SLX4IP: variants seen among roughly 807,000 people sequenced by gnomAD.
The protein encoded by SLX4IP is SLX4 interacting protein.
In SLX4IP, 34 loss-of-function variants were observed where a neutral mutation model predicts 32.9. The ratio of observed to expected loss-of-function variants is 1.03; its 90% CI spans 0.79 to 1.38. SLX4IP has a LOEUF of 1.38. SLX4IP is among the 40% of genes most tolerant of loss of function. The probability of loss-of-function intolerance (pLI) is 0.00; values close to 1 mark genes in which losing one functional copy is unlikely to be tolerated. For synonymous variants in SLX4IP, 172 were observed against 171.7 expected (o/e 1.00, Z -0.01); for missense variants, 444 against 479.0 (o/e 0.93, Z 0.68).
chr20:10,474,497 C>G lies in SLX4IP; in HGVS notation c.27+16266C>G, dbSNP rs188171904. The stretch of plus-strand genomic sequence containing the variant: ...TTTAAGAGCCATTCTTTCCTAGACC[C>G]CCTTCCCTTCTTTACTTTAGGTATT... On this transcript the variant is annotated intron_variant, in intron 2 of 7. Transcript: ENST00000334534. Among the ~76,000 whole-genome samples the G allele has an allele frequency of 2.6e-5, 4 of 152,232 alleles. No individual in the cohort carries two copies. In the East Asian group the frequency reaches 5.8e-4, roughly 22 times the overall value.
At chr20:10,458,354 T>C in intron 2 of SLX4IP, 123 bp downstream of exon 2, 1 of 729,910 alleles carries the variant, frequency 1.4e-6, no homozygotes, top group Non-Finnish European at 2.0e-6. Flanking sequence ...CTCTGCAAAA[T>C]TTTTTTTTTT....
At chr20:10,500,085 A>G (rs2065702774) in intron 2 of SLX4IP, among the ~76,000 whole-genome samples, 1 of 149,720 alleles carries the variant, frequency 6.7e-6, no homozygotes, top group Admixed American at 6.6e-5. Context: ...CTGGGTTTAG[A>G]TAGATGGGGA....
chr20:10,445,945 T>C (rs1253865173), intron 1 of SLX4IP, among the ~76,000 whole-genome samples: 1 of 151,052 alleles, frequency 6.6e-6, no homozygotes, highest in Non-Finnish European at 1.5e-5. Flanking sequence ...TTTTTTTTTT[T>C]TTTTTTTTTT....
chr20:10,497,542 C>T (rs556597673), intron 2 of SLX4IP, among the ~76,000 whole-genome samples: 22 of 152,052 alleles, frequency 1.4e-4, no homozygotes, highest in South Asian at 4.1e-4. Flanking sequence ...TTTCTTTTTT[C>T]GGAAACTTTA....
At chr20:10,566,097 G>A (rs2066389041) in intron 4 of SLX4IP, among the ~76,000 whole-genome samples, 1 of 152,116 alleles carries the variant, frequency 6.6e-6, no homozygotes, top group Non-Finnish European at 1.5e-5. Flanking sequence ...AGTAGTTGAT[G>A]TTTGTATCTT....
rs556158852 is a variant in SLX4IP at position 10,440,867 on chromosome 20, G to A, written c.-30+5414G>A. Among the ~76,000 whole-genome samples the A allele has an allele frequency of 2.6e-5, 4 of 152,282 alleles. No individual in the cohort carries two copies. The East Asian group carries it at 5.8e-4, about 22-fold the overall frequency. ...TTGCTTGTGCTCTTGTTGTTGGAAT[G>A]ATTCCGTTTAAGACACTGAGCATCC... On this transcript the variant is annotated intron_variant, in intron 1 of 7. Transcript: ENST00000334534.
intron 2 of SLX4IP, among the ~76,000 whole-genome samples, chr20:10,551,305 G>A (rs1484261015): frequency 6.6e-6 from 1 of 152,120 alleles, no homozygotes; most frequent in African/African-American, 2.4e-5. Context: ...GCTTGTTGTT[G>A]CTGATGGCAG....
At chr20:10,510,948 A>C (rs2065802534) in intron 2 of SLX4IP, among the ~76,000 whole-genome samples, 1 of 152,176 alleles carries the variant, frequency 6.6e-6, no homozygotes, top group African/African-American at 2.4e-5. Flanking sequence ...TGGACGCAGC[A>C]TGAATTGGGC....
At chr20:10,454,157 G>A (rs978367949) in intron 1 of SLX4IP, among the ~76,000 whole-genome samples, 2 of 152,110 alleles carry the variant, frequency 1.3e-5, no homozygotes, top group African/African-American at 2.4e-5. Flanking sequence ...GCCTTAGGTG[G>A]TAGGTGATTC....
chr20:10,541,894 G>A (rs1022465287), intron 2 of SLX4IP, among the ~76,000 whole-genome samples: 1 of 152,168 alleles, frequency 6.6e-6, no homozygotes. Context: ...GCCAGTAAAG[G>A]GGGCAGCCAG....
chr20:10,520,341 C>T lies in SLX4IP; in HGVS notation c.28-35890C>T, dbSNP rs146048140. Among the ~76,000 whole-genome samples the T allele has an allele frequency of 1.4e-3, 212 of 151,812 alleles. 1 individual carries two copies. Among genetic ancestry groups the T allele is most frequent in the African/African-American group, 4.8e-3 (199 of 41,412 alleles). On this transcript the variant is annotated intron_variant, in intron 2 of 7. Transcript: ENST00000334534. ...CTGGGATTTCAGGCGTGAGCCACTG[C>T]GCCCGGCCCTTGTGCCCATTTTTCA...
intron 2 of SLX4IP, among the ~76,000 whole-genome samples, chr20:10,500,565 A>G (rs755381959): frequency 3.9e-5 from 6 of 152,064 alleles, no homozygotes; most frequent in Non-Finnish European, 8.8e-5. Context: ...AGCCTGGGCA[A>G]CATAGCAAAA....
chr20:10,543,624 A>T (rs992135676), intron 2 of SLX4IP, among the ~76,000 whole-genome samples: 1 of 152,190 alleles, frequency 6.6e-6, no homozygotes, highest in Non-Finnish European at 1.5e-5. Flanking sequence ...AGAACGAGCA[A>T]AGCTGACTTC....
At chr20:10,558,299 G>T (rs1042653388) in intron 3 of SLX4IP, among the ~76,000 whole-genome samples, 2 of 142,848 alleles carry the variant, frequency 1.4e-5, no homozygotes, top group African/African-American at 2.6e-5. Context: ...TTGTGATCAT[G>T]CCACTGAACT....
chr20:10,534,681 A>G (rs897415822), intron 2 of SLX4IP, among the ~76,000 whole-genome samples: 4 of 152,100 alleles, frequency 2.6e-5, no homozygotes, highest in South Asian at 2.1e-4. Context: ...TCAATAAATT[A>G]AAAACGAGTG....
At chr20:10,445,489 T>A (rs565320353) in intron 1 of SLX4IP, among the ~76,000 whole-genome samples, 45 of 151,234 alleles carry the variant, frequency 3.0e-4, no homozygotes, top group Non-Finnish European at 5.2e-4. Flanking sequence ...CTAATTTTTT[T>A]AATTTTTAGT....
At chr20:10,441,371 A>T (rs1224125583) in intron 1 of SLX4IP, among the ~76,000 whole-genome samples, 3 of 152,186 alleles carry the variant, frequency 2.0e-5, no homozygotes, top group African/African-American at 7.2e-5. Flanking sequence ...GGGGAGGTTG[A>T]GGTTTCAGTG....
At chr20:10,545,109 A>G (rs1168068690) in intron 2 of SLX4IP, among the ~76,000 whole-genome samples, 1 of 152,076 alleles carries the variant, frequency 6.6e-6, no homozygotes, top group Admixed American at 6.6e-5. Flanking sequence ...GTACTCTGGG[A>G]ACCGGCTGCT....
intron 2 of SLX4IP, among the ~76,000 whole-genome samples, chr20:10,487,381 C>A (rs372541786): frequency 2.6e-5 from 4 of 152,214 alleles, no homozygotes; most frequent in African/African-American, 9.6e-5. Flanking sequence ...TTTGGATAGA[C>A]TTTTTATGAC....
Sources: gnomAD v4.1 joint callset for allele counts (sites outside exome capture counted in the v4.1 genomes callset) on GRCh38, gnomAD v4.1.1 for gene constraint, MANE v1.5 for transcripts, NCBI Gene and HGNC (gene_info 2026-07-23, HGNC 2026-07-21) for gene names.